The following TRIM35 variants were observed in gnomAD, a reference collection of about 807,000 sequenced individuals.
The protein encoded by TRIM35 is E3 ubiquitin-protein ligase TRIM35.
A neutral mutation model predicts 49.1 loss-of-function variants in TRIM35; 37 were observed. The observed-to-expected ratio is 0.75, with a 90% CI of 0.58 to 0.99. TRIM35 has a LOEUF of 0.99. TRIM35 is among the 50% of genes least tolerant of loss of function. The probability of loss-of-function intolerance (pLI) is 0.00; values close to 1 mark genes in which losing one functional copy is unlikely to be tolerated. For synonymous variants in TRIM35, 302 were observed against 289.3 expected (o/e 1.04, Z -0.45); for missense variants, 648 against 702.7 (o/e 0.92, Z 0.88).
intron 1 of TRIM35, among the ~76,000 whole-genome samples, chr8:27,309,473 A>G (rs1160912405): frequency 1.3e-5 from 2 of 152,094 alleles, no homozygotes; most frequent in Admixed American, 1.3e-4. Context: ...ATGCATTTGG[A>G]GCGGAACAGA....
rs146107229 is a variant in TRIM35 at position 27,294,257 on chromosome 8, G to A, written c.585C>T (p.Arg195=). The A allele has an allele frequency of 1.8e-5, 29 of 1,613,984 alleles. No homozygotes were observed. Among genetic ancestry groups the A allele is most frequent in the Middle Eastern group, 1.6e-4 (1 of 6,084 alleles). The part of the protein sequence containing the change: ...GRIRQEFDKL[R]EFLRVEEQAI... ...CCTGCTCCTCCACTCTCAAGAACTCGCGAAGCTTATCAAACTCCTGCCGGA... is the reference window on the plus strand; with the variant it reads ...CCTGCTCCTCCACTCTCAAGAACTCACGAAGCTTATCAAACTCCTGCCGGA... The change falls in exon 3 of 6, where the codon CGC becomes CGT. Residue 195 remains arginine, a synonymous_variant. Transcript: ENST00000305364.
chr8:27,290,012 C>G, intron 4 of TRIM35, 144 bp downstream of exon 4: 1 of 912,140 alleles, frequency 1.1e-6, no homozygotes. Flanking sequence ...TTGTCCACCT[C>G]TCCCTCTAAA....
intron 5 of TRIM35, among the ~76,000 whole-genome samples, chr8:27,288,393 G>A (rs1802383784): frequency 6.6e-6 from 1 of 152,162 alleles, no homozygotes; most frequent in South Asian, 2.1e-4. Context: ...GACTGGAGGA[G>A]GGTCCCCAAT....
chr8:27,305,318 T>C (rs530351703), intron 1 of TRIM35, among the ~76,000 whole-genome samples: 2 of 152,356 alleles, frequency 1.3e-5, no homozygotes, highest in African/African-American at 4.8e-5. Flanking sequence ...CCCCTTTGTG[T>C]TCAGACCTCC....
At chr8:27,294,331 A>C (rs932350230) in intron 2 of TRIM35, 21 bp from the exon 3 acceptor site, 50 of 1,607,400 alleles carry the variant, frequency 3.1e-5, no homozygotes, top group Non-Finnish European at 4.0e-5. Flanking sequence ...CAGCAGGAGG[A>C]GTCAGGGGTC....
rs1802401988 is a variant in TRIM35, at chr8:27,289,210, A to G, written c.856T>C (p.Ser286Pro). 1 of 1,614,024 alleles carries G rather than the reference A, an allele frequency of 6.2e-7. No individual in the cohort carries two copies. Among genetic ancestry groups the G allele is most frequent in the South Asian group, 1.1e-5 (1 of 91,082 alleles). The change falls in exon 5 of 6, where the codon TCC (serine) becomes CCC (proline). Residue 286 changes from serine (S) to proline (P), a missense_variant. By Grantham distance (74) the Ser-to-Pro change is moderately conservative. Transcript: ENST00000305364. ...MLIDVCKYLG[S>P]LQYRVWKKML... Reference sequence around the variant, plus strand: ...TTCTTCCAGACGCGGTACTGCAGGGAGCCCAGGTACTTGCAGACATCGATA... The same window carrying G: ...TTCTTCCAGACGCGGTACTGCAGGGGGCCCAGGTACTTGCAGACATCGATA...
At position 27,289,188 on chromosome 8, in the gene TRIM35, T is replaced by G. The variant is rs1346902905; in HGVS notation, c.878A>C (p.Lys293Thr). 1.5e-5 allele frequency: 25 copies of G among 1,613,948 alleles called. No homozygotes were observed. Among genetic ancestry groups the G allele is most frequent in the Non-Finnish European group, 1.9e-5 (23 of 1,179,948 alleles). ...AGATTCCACAGATGCAAGCATCTTC[T>G]TCCAGACGCGGTACTGCAGGGAGCC... ...YLGSLQYRVW[K>T]KMLASVESVP... The change falls in exon 5 of 6, where the codon AAG (lysine) becomes ACG (threonine). Residue 293 changes from lysine (K) to threonine (T), a missense_variant. Physicochemically the swap from Lys to Thr is moderately conservative, Grantham distance 78 (BLOSUM62 -1). Transcript: ENST00000305364.
chr8:27,303,328 T>C (rs145548888), intron 1 of TRIM35, among the ~76,000 whole-genome samples: 146 of 152,358 alleles, frequency 9.6e-4, no homozygotes, highest in African/African-American at 3.1e-3. Context: ...TTATTCTATT[T>C]TTCTTTTTCT....
chr8:27,303,125 T>C (rs1802712656), intron 1 of TRIM35, among the ~76,000 whole-genome samples: 1 of 152,244 alleles, frequency 6.6e-6, no homozygotes, highest in African/African-American at 2.4e-5. Flanking sequence ...TTTCCTGTTT[T>C]TTTAAACACA....
intron 2 of TRIM35, among the ~76,000 whole-genome samples, chr8:27,294,750 A>G (rs1802531921): frequency 6.6e-6 from 1 of 152,236 alleles, no homozygotes; most frequent in South Asian, 2.1e-4. Context: ...CCAAAAGAGC[A>G]GTAGGAAGCA....
intron 1 of TRIM35, 75 bp downstream of exon 1, chr8:27,310,726 G>T: frequency 6.8e-7 from 1 of 1,464,210 alleles, no homozygotes; most frequent in Non-Finnish European, 9.2e-7. Context: ...AGGCAGGAGG[G>T]GCGGGAGCCG....
chr8:27,310,993 C>A lies in TRIM35; in HGVS notation c.243G>T (p.Lys81Asn). The A allele has an allele frequency of 6.2e-7, 1 of 1,611,976 alleles. No homozygotes were observed. Among genetic ancestry groups the A allele is most frequent in the South Asian group, 1.1e-5 (1 of 90,868 alleles). Reference sequence around the variant, plus strand: ...CGCCCTCGGCCTCCTCGCGCAGCAGCTTCTCCACCAGGTTGTTGAGGGTGT... The same window carrying A: ...CGCCCTCGGCCTCCTCGCGCAGCAGATTCTCCACCAGGTTGTTGAGGGTGT... ...TNHTLNNLVEKLLREEAEGAR... is the reference protein window; with the variant it reads ...TNHTLNNLVENLLREEAEGAR... The change falls in exon 1 of 6, where the codon AAG (lysine) becomes AAT (asparagine). Residue 81 changes from lysine to asparagine, a missense_variant. Lys to Asn is a moderately conservative substitution (Grantham distance 94). Coordinates refer to ENST00000305364, the MANE Select transcript of TRIM35 (RefSeq NM_171982.5).
chr8:27,306,365 G>A (rs932015324), intron 1 of TRIM35, among the ~76,000 whole-genome samples: 8 of 141,422 alleles, frequency 5.7e-5, no homozygotes, highest in Non-Finnish European at 9.0e-5. Flanking sequence ...TTGCTCTGTC[G>A]TACAGGCTGG....
rs1389393801 is a variant in TRIM35, at chr8:27,285,254, C to T, written c.*2296G>A. ...GTGGAGTCATCAGAACCCTCATGCC[C>T]TGTTGATGGGATATAAAATTGTGTC... On this transcript the variant is annotated 3_prime_UTR_variant, in exon 6 of 6. Coordinates refer to ENST00000305364, the MANE Select transcript of TRIM35 (RefSeq NM_171982.5). 6.6e-6 allele frequency: 1 copy of T among 152,146 alleles called. No individual in the cohort carries two copies. Among genetic ancestry groups the T allele is most frequent in the Non-Finnish European group, 1.5e-5 (1 of 68,038 alleles). The allele number at this position is 152,146 out of a possible 1,614,324, so 9.4% of individuals were successfully genotyped here. A position where few individuals can be genotyped will look rare whatever the true frequency, so the allele number is the denominator to read the frequency against.
intron 5 of TRIM35, 43 bp downstream of exon 5, chr8:27,289,119 G>T: frequency 6.5e-7 from 1 of 1,541,808 alleles, no homozygotes; most frequent in Non-Finnish European, 9.0e-7. Context: ...AACATGAAGG[G>T]CTTCCACCCA....
intron 1 of TRIM35, 141 bp from the exon 2 acceptor site, chr8:27,298,700 C>A (rs778199051): frequency 4.3e-6 from 3 of 692,252 alleles, no homozygotes; most frequent in Non-Finnish European, 7.8e-6. Context: ...CCCATCCATG[C>A]CAAGTGCTCT....
chr8:27,289,296 G>A lies in TRIM35; in HGVS notation c.786-16C>T, dbSNP rs1179533768. 2 of 1,608,312 alleles carry A rather than the reference G, an allele frequency of 1.2e-6. No individual in the cohort carries two copies. On this transcript the variant is annotated splice_polypyrimidine_tract_variant and intron_variant, in intron 4 of 5. Coordinates refer to ENST00000305364, the MANE Select transcript of TRIM35 (RefSeq NM_171982.5). The stretch of plus-strand genomic sequence containing the variant: ...GCAGAAGAGTCTGGAAAAGTACAAT[G>A]GGTATGGTGGGCAGGGCCAGAGCCA...
At position 27,286,216 on chromosome 8, in the gene TRIM35, T is replaced by C. The variant is rs1802315798; in HGVS notation, c.*1334A>G. 2 of 452,110 alleles carry C rather than the reference T, an allele frequency of 4.4e-6. No individual in the cohort carries two copies. Among genetic ancestry groups the C allele is most frequent in the Non-Finnish European group, 8.9e-6 (2 of 225,204 alleles). The allele number at this position is 452,110 out of a possible 1,614,324, so 28.0% of individuals were successfully genotyped here. ...CTGAAGATTAAAAACTCTTCAGAGATGTGCGAGAAAAAACAAGCCCAGGGA... is the reference window on the plus strand; with the variant it reads ...CTGAAGATTAAAAACTCTTCAGAGACGTGCGAGAAAAAACAAGCCCAGGGA... On this transcript the variant is annotated 3_prime_UTR_variant, in exon 6 of 6. Transcript: ENST00000305364.
chr8:27,294,276 T>C lies in TRIM35; in HGVS notation c.566A>G (p.Gln189Arg), dbSNP rs1385561933. Residue 189 changes from glutamine (Q) to arginine (R), a missense_variant, in exon 3 of 6, where the codon CAG becomes CGG. Gln to Arg is a conservative substitution (Grantham distance 43). Transcript: ENST00000305364. The part of the protein sequence containing the change: ...EAAWLEGRIR[Q>R]EFDKLREFLR... Reference sequence around the variant, plus strand: ...GAACTCGCGAAGCTTATCAAACTCCTGCCGGATCCGGCCTTCCAGCCATGC... The same window carrying C: ...GAACTCGCGAAGCTTATCAAACTCCCGCCGGATCCGGCCTTCCAGCCATGC... 6.2e-7 allele frequency: 1 copy of C among 1,613,970 alleles called. No homozygotes were observed. The highest frequency in any genetic ancestry group is 1.3e-5 in the African/African-American group (1 of 74,934).
Sources: allele counts gnomAD v4.1 joint callset (sites outside exome capture counted in the v4.1 genomes callset), GRCh38; gene constraint gnomAD v4.1.1; transcripts MANE v1.5; gene names NCBI Gene and HGNC (gene_info 2026-07-23, HGNC 2026-07-21).